L3HYPDH: variants seen among roughly 807,000 people sequenced by gnomAD.
The protein encoded by L3HYPDH is trans-3-hydroxy-L-proline dehydratase.
A neutral mutation model predicts 26.5 loss-of-function variants in L3HYPDH; 32 were observed. The ratio of observed to expected loss-of-function variants is 1.21; its 90% CI spans 0.91 to 1.62. The LOEUF (loss-of-function observed/expected upper bound fraction) is 1.62. Among genes scored for constraint, L3HYPDH ranks in the 40% most tolerant of loss-of-function variants. The probability of loss-of-function intolerance (pLI) is 0.00; values close to 1 mark genes in which losing one functional copy is unlikely to be tolerated. For missense variants in L3HYPDH, 554 were observed against 476.4 expected (o/e 1.16, Z -1.52); for synonymous variants, 215 against 196.6 (o/e 1.09, Z -0.78).
chr14:59,501,262 A>G, the L3HYPDH span: 1 of 1,590,148 alleles, frequency 6.3e-7, no homozygotes, highest in Non-Finnish European at 8.6e-7. Flanking sequence ...TGCTTCTGAA[A>G]TAGAGGTAGG....
the L3HYPDH span, chr14:59,498,836 A>C: frequency 6.2e-7 from 1 of 1,612,866 alleles, no homozygotes; most frequent in East Asian, 2.2e-5. Flanking sequence ...TGATCGATTT[A>C]AAAGTATTTA....
chr14:59,470,494 AGAG>A (rs1889282541), downstream of L3HYPDH, among the ~76,000 whole-genome samples: 1 of 152,184 alleles, frequency 6.6e-6, no homozygotes, highest in South Asian at 2.1e-4. Context: ...TTCATGATGA[AGAG>A]GAGATGGGCC....
Position 59,476,190 on chromosome 14 carries a change from C to T in L3HYPDH, c.703G>A (p.Glu235Lys), listed in dbSNP as rs1300478285. 2 of 1,605,146 alleles carry T rather than the reference C, an allele frequency of 1.2e-6. No homozygotes were observed. Among genetic ancestry groups the T allele is most frequent in the East Asian group, 4.5e-5 (2 of 44,854 alleles). Residue 235 changes from glutamate to lysine, a missense_variant, in exon 3 of 5, where the codon GAA becomes AAA. Coordinates refer to ENST00000247194, the MANE Select transcript of L3HYPDH (RefSeq NM_144581.2). ...GTTCCATATAAAAAGGCAAGGTCTT[C>T]ACTATCAGGATGATTAATTTTAAAC... Reference protein sequence around the residue: ...AQFKINHPDSEDLAFLYGTIL... With the variant: ...AQFKINHPDSKDLAFLYGTIL...
the L3HYPDH span, among the ~76,000 whole-genome samples, chr14:59,502,773 T>TTTTTTTTTGTTTTTTTTTTTTG: frequency 9.7e-6 from 1 of 102,836 alleles, no homozygotes; most frequent in Non-Finnish European, 1.8e-5. Flanking sequence ...TTTTTTTTTT[T>TTTTTTTTTGTTTTTTTTTTTTG]CGGAGTCTCA....
downstream of L3HYPDH, among the ~76,000 whole-genome samples, chr14:59,470,373 G>C (rs773550152): frequency 1.3e-5 from 2 of 152,190 alleles, no homozygotes; most frequent in African/African-American, 4.8e-5. Flanking sequence ...GAAGTATGAA[G>C]AACAGTGTCC....
rs750580418 is a variant in L3HYPDH at position 59,484,124 on chromosome 14, G to A, written c.193C>T (p.Leu65Phe). 2 of 1,602,986 alleles carry A rather than the reference G, an allele frequency of 1.2e-6. No homozygotes were observed. Among genetic ancestry groups the A allele is most frequent in the East Asian group, 2.2e-5 (1 of 44,796 alleles). Residue 65 changes from leucine (L) to phenylalanine (F), a missense_variant, in exon 1 of 5, where the codon CTC (leucine) becomes TTC (phenylalanine). Physicochemically the swap from Leu to Phe is conservative, Grantham distance 22. Transcript: ENST00000247194. ...RQHLDHVRRR[L>F]MFEPRGHRDM... ...CGGTGCCCTCGGGGCTCGAACATGA[G>A]CCGTCGCCGCACGTGGTCAAGGTGC...
intron 4 of L3HYPDH, 70 bp from the exon 5 acceptor site, chr14:59,473,160 C>T (rs1056816063): frequency 1.6e-5 from 23 of 1,406,446 alleles, no homozygotes; most frequent in Non-Finnish European, 1.9e-5. Context: ...GAAAACTGTA[C>T]TCTTGACTTT....
upstream of L3HYPDH, chr14:59,484,751 G>A: frequency 9.6e-7 from 1 of 1,039,734 alleles, no homozygotes; most frequent in Non-Finnish European, 1.4e-6. Flanking sequence ...CCGCACTCCT[G>A]CGGGGTTGGG....
At chr14:59,501,141 T>C in the L3HYPDH span, 1 of 1,125,866 alleles carries the variant, frequency 8.9e-7, no homozygotes, top group Non-Finnish European at 1.3e-6. Flanking sequence ...TGATGGTTTA[T>C]TGAGAAAATT....
chr14:59,501,814 T>C, the L3HYPDH span, among the ~76,000 whole-genome samples: 10 of 152,190 alleles, frequency 6.6e-5, no homozygotes, highest in Admixed American at 2.0e-4. Flanking sequence ...ACAGTATTCA[T>C]TTTGTACCTC....
chr14:59,476,145 C>A lies in L3HYPDH; in HGVS notation c.748G>T (p.Asp250Tyr). 6.8e-6 allele frequency: 11 copies of A among 1,613,876 alleles called. No homozygotes were observed. Among genetic ancestry groups the A allele is most frequent in the Non-Finnish European group, 9.3e-6 (11 of 1,179,814 alleles). The change falls in exon 3 of 5, where the codon GAT becomes TAT. Residue 250 changes from aspartate to tyrosine, a missense_variant. By Grantham distance (160) the Asp-to-Tyr change is radical. Coordinates refer to ENST00000247194, the MANE Select transcript of L3HYPDH (RefSeq NM_144581.2). ...LYGTILTDGKDAYTKEPTTNI... is the reference protein window; with the variant it reads ...LYGTILTDGKYAYTKEPTTNI... ...GTGGTTGGTTCCTTGGTATAAGCAT[C>A]TTTTCCATCTGTTAATATAGTTCCA...
intron 4 of L3HYPDH, among the ~76,000 whole-genome samples, chr14:59,475,520 T>G (rs1032576109): frequency 1.2e-4 from 19 of 152,346 alleles, no homozygotes; most frequent in Admixed American, 1.1e-3. Flanking sequence ...ACAACTAGGT[T>G]CTCATATCTA....
chr14:59,478,212 T>C (rs1889769639), intron 2 of L3HYPDH, among the ~76,000 whole-genome samples: 1 of 152,340 alleles, frequency 6.6e-6, no homozygotes, highest in Admixed American at 6.5e-5. Context: ...CAGAATTCTA[T>C]AAATATATTT....
the L3HYPDH span, chr14:59,498,709 CTTTAT>C: frequency 7.8e-7 from 1 of 1,287,898 alleles, no homozygotes; most frequent in Non-Finnish European, 1.1e-6. Context: ...GTTACAAATT[CTTTAT>C]TTTATTTTAC....
At chr14:59,487,893 C>A, upstream of L3HYPDH, 1 of 1,390,920 alleles carries the variant, frequency 7.2e-7, no homozygotes, top group South Asian at 1.2e-5. Context: ...CTCAGAAGAC[C>A]TTATTAAGTA....
chr14:59,475,848 G>T, intron 4 of L3HYPDH, 21 bp downstream of exon 4: 1 of 1,596,582 alleles, frequency 6.3e-7, no homozygotes, highest in Non-Finnish European at 8.5e-7. Context: ...TTATAAATAA[G>T]AAGCTAAGGG....
At chr14:59,488,441 C>T (rs912203729), upstream of L3HYPDH, among the ~76,000 whole-genome samples, 3 of 151,888 alleles carry the variant, frequency 2.0e-5, no homozygotes, top group Non-Finnish European at 2.9e-5. Context: ...TAAATTATGC[C>T]TCATGGGATC....
upstream of L3HYPDH, chr14:59,484,736 G>C (rs1890386675): frequency 3.6e-6 from 4 of 1,125,458 alleles, no homozygotes; most frequent in East Asian, 2.6e-5. Context: ...CCCTCGGGCC[G>C]GGCTCCGCAC....
chr14:59,485,857 C>G (rs1037991484), upstream of L3HYPDH: 2 of 152,260 alleles, frequency 1.3e-5, no homozygotes, highest in Admixed American at 1.3e-4. Context: ...ACCTCATGAT[C>G]TGCCCACCTC....
Sources: gnomAD v4.1 joint callset for allele counts (sites outside exome capture counted in the v4.1 genomes callset) on GRCh38, gnomAD v4.1.1 for gene constraint, MANE v1.5 for transcripts, NCBI Gene and HGNC (gene_info 2026-07-23, HGNC 2026-07-21) for gene names.